Variants in ZNF695 observed in about 807,000 individuals in gnomAD.
ZNF695 encodes the protein zinc finger protein 695.
In ZNF695, 11 loss-of-function variants were observed where a neutral mutation model predicts 11.2. The observed-to-expected ratio is 0.98, with a 90% CI of 0.62 to 1.62. The LOEUF (loss-of-function observed/expected upper bound fraction) is 1.62. Among genes scored for constraint, ZNF695 ranks in the 40% most tolerant of loss-of-function variants. The pLI is 0.00. For missense variants in ZNF695, 559 were observed against 590.5 expected (o/e 0.95, Z 0.55); for synonymous variants, 190 against 201.4 (o/e 0.94, Z 0.48).
At chr1:246,956,335 G>A (rs1668000630) in intron 5 of ZNF695, among the ~76,000 whole-genome samples, 1 of 151,722 alleles carries the variant, frequency 6.6e-6, no homozygotes, top group Non-Finnish European at 1.5e-5. Context: ...GGTCATGGGG[G>A]CCGGGCGCGG....
At chr1:246,979,340 A>AC (rs1668646187) in intron 4 of ZNF695, among the ~76,000 whole-genome samples, 1 of 152,150 alleles carries the variant, frequency 6.6e-6, no homozygotes, top group Non-Finnish European at 1.5e-5. Flanking sequence ...ACGGGACCAC[A>AC]CCCAGACTTA....
chr1:247,007,803 G>C (rs1341780184), intron 1 of ZNF695, 103 bp downstream of exon 1: 1 of 1,381,834 alleles, frequency 7.2e-7, no homozygotes, highest in Non-Finnish European at 9.6e-7. Context: ...CTCCGGAGCC[G>C]ACCGCCGGGA....
downstream of ZNF695, among the ~76,000 whole-genome samples, chr1:246,982,615 A>T (rs971398521): frequency 2.0e-5 from 3 of 152,222 alleles, no homozygotes; most frequent in African/African-American, 7.2e-5. Context: ...TTTAACAAAC[A>T]AACAATGCTA....
chr1:246,967,350 C>A (rs1572512022), intron 5 of ZNF695: 1 of 456,354 alleles, frequency 2.2e-6, no homozygotes, highest in East Asian at 6.9e-5. Flanking sequence ...TTGCAAAACC[C>A]CAAGCTAGAA....
At chr1:246,965,804 C>T (rs78357069) in intron 5 of ZNF695, among the ~76,000 whole-genome samples, 1 of 151,994 alleles carries the variant, frequency 6.6e-6, no homozygotes, top group African/African-American at 2.4e-5. Flanking sequence ...AGCAAGAAGG[C>T]CCTCACCAGG....
At chr1:246,953,816 C>T (rs561123874) in intron 5 of ZNF695, among the ~76,000 whole-genome samples, 3 of 151,750 alleles carry the variant, frequency 2.0e-5, no homozygotes, top group Admixed American at 6.6e-5. Flanking sequence ...ATCCCAGCTA[C>T]TCAGGAGGCT....
chr1:246,954,743 C>T (rs922785856), intron 5 of ZNF695, among the ~76,000 whole-genome samples: 3 of 152,186 alleles, frequency 2.0e-5, no homozygotes, highest in African/African-American at 7.2e-5. Flanking sequence ...GAAACTCTGA[C>T]TTGCTATCTC....
chr1:246,966,459 C>T (rs1328616622), intron 5 of ZNF695, among the ~76,000 whole-genome samples: 5 of 151,686 alleles, frequency 3.3e-5, no homozygotes, highest in Non-Finnish European at 4.4e-5. Context: ...CCAGCCTGGG[C>T]GACAGAGCAA....
downstream of ZNF695, chr1:246,985,293 T>G (rs1453435032): frequency 1.0e-6 from 1 of 984,440 alleles, no homozygotes; most frequent in African/African-American, 1.7e-5. Context: ...ATTTTGTGAA[T>G]AGTCCTTCAA....
chr1:246,999,805 A>G (rs1669310499), intron 2 of ZNF695, 107 bp downstream of exon 2: 3 of 1,180,310 alleles, frequency 2.5e-6, no homozygotes, highest in African/African-American at 3.1e-5. Context: ...TGTTTTCTAC[A>G]CCAAGAAATC....
At chr1:246,969,954 G>C (rs1236301062) in intron 4 of ZNF695, among the ~76,000 whole-genome samples, 1 of 152,086 alleles carries the variant, frequency 6.6e-6, no homozygotes, top group Non-Finnish European at 1.5e-5. Flanking sequence ...CCAACATTGG[G>C]GATTACAATT....
At position 246,986,917 on chromosome 1, in the gene ZNF695, G is replaced by A; in HGVS notation, c.*50C>T. On this transcript the variant is annotated 3_prime_UTR_variant, in exon 4 of 4. Coordinates refer to ENST00000339986, the MANE Select transcript of ZNF695 (RefSeq NM_020394.5). ...TAAAAATATTCTGCTGTGAAGTTGT[G>A]AATAGGTATTAAAGACTATGCCATA... 1 of 1,519,562 alleles carries A rather than the reference G, an allele frequency of 6.6e-7. No individual in the cohort carries two copies. The highest frequency in any genetic ancestry group is 8.8e-7 in the Non-Finnish European group (1 of 1,137,772). 94.1% of individuals were successfully genotyped at this position (1,519,562 alleles called of 1,614,324 possible).
intron 4 of ZNF695, among the ~76,000 whole-genome samples, chr1:246,971,985 C>T (rs1168574487): frequency 6.6e-6 from 1 of 152,148 alleles, no homozygotes; most frequent in Non-Finnish European, 1.5e-5. Flanking sequence ...ATCCATCCAC[C>T]GGGGCCTCCC....
chr1:246,976,793 C>CAAATAAATAAAT (rs569407542), intron 4 of ZNF695, among the ~76,000 whole-genome samples: 176 of 151,508 alleles, frequency 1.2e-3, no homozygotes, highest in Middle Eastern at 6.8e-3. Context: ...AACTCCGTCT[C>CAAATAAATAAAT]AAATAAATAA....
At chr1:246,979,840 C>T (rs529992551) in intron 4 of ZNF695, 1 of 152,632 alleles carries the variant, frequency 6.6e-6, no homozygotes, top group Admixed American at 6.6e-5. Flanking sequence ...TAAGTTTTAC[C>T]TTATATTTAT....
At chr1:246,988,809 G>C (rs1263136658) in intron 3 of ZNF695, among the ~76,000 whole-genome samples, 1 of 152,118 alleles carries the variant, frequency 6.6e-6, no homozygotes, top group Non-Finnish European at 1.5e-5. Context: ...TATGACATTA[G>C]GCCGGGCGCG....
At chr1:246,953,725 C>A (rs575591350) in intron 5 of ZNF695, among the ~76,000 whole-genome samples, 1 of 152,076 alleles carries the variant, frequency 6.6e-6, no homozygotes, top group East Asian at 1.9e-4. Flanking sequence ...GAGTTCAAAA[C>A]CAGCCTGACC....
chr1:246,978,432 A>C (rs1668622163), intron 4 of ZNF695, among the ~76,000 whole-genome samples: 1 of 152,248 alleles, frequency 6.6e-6, no homozygotes, highest in African/African-American at 2.4e-5. Context: ...TTTTGATAAA[A>C]TGTTCAATAA....
intron 5 of ZNF695, among the ~76,000 whole-genome samples, chr1:246,964,108 T>C (rs781661980): frequency 6.6e-6 from 1 of 152,108 alleles, no homozygotes; most frequent in Non-Finnish European, 1.5e-5. Context: ...GCAGGTGGCT[T>C]CCACGCCCCC....
Sources: allele counts gnomAD v4.1 joint callset (sites outside exome capture counted in the v4.1 genomes callset), GRCh38; gene constraint gnomAD v4.1.1; transcripts MANE v1.5; gene names NCBI Gene and HGNC (gene_info 2026-07-23, HGNC 2026-07-21).